Variants in PRXL2A observed in about 807,000 individuals in gnomAD.
The protein encoded by PRXL2A is peroxiredoxin like 2A.
PRXL2A carries 26 observed loss-of-function variants against 25.6 expected under a neutral mutation model. The observed-to-expected ratio is 1.02, with a 90% CI of 0.74 to 1.41. The LOEUF (loss-of-function observed/expected upper bound fraction) is 1.41, where lower values mean the gene tolerates loss of function less well. Ranked by LOEUF, PRXL2A falls within the 40% of genes most tolerant of loss-of-function variation. The pLI is 0.00. For missense variants in PRXL2A, 246 were observed against 273.9 expected (o/e 0.90, Z 0.72); for synonymous variants, 98 against 102.9 (o/e 0.95, Z 0.29).
chr10:80,429,864 T>C (rs1039852300), intron 5 of PRXL2A, among the ~76,000 whole-genome samples: 1 of 152,194 alleles, frequency 6.6e-6, no homozygotes, highest in African/African-American at 2.4e-5. Context: ...TTGGCATGCC[T>C]GCCAGCCTTT....
Position 80,409,072 on chromosome 10 carries a change from C to T in PRXL2A, c.-3+429C>T, listed in dbSNP as rs1224625805. The T allele has an allele frequency of 2.8e-5, 28 of 985,236 alleles. No individual in the cohort carries two copies. The South Asian group carries it at 1.1e-3, about 38-fold the overall frequency. The allele number at this position is 985,236 out of a possible 1,614,324, so 61.0% of individuals were successfully genotyped here. A position where few individuals can be genotyped will look rare whatever the true frequency, so the allele number is the denominator to read the frequency against. On this transcript the variant is annotated intron_variant, in intron 1 of 5. Coordinates refer to ENST00000606162, the MANE Select transcript of PRXL2A (RefSeq NM_032333.5). ...CGCCCTGCTGGACCAGCCCCAGGTG[C>T]GGACCTGGCAGTCCTCGTCCTCGTC...
intron 4 of PRXL2A, among the ~76,000 whole-genome samples, chr10:80,426,771 C>T (rs115162083): frequency 1.1e-3 from 165 of 152,292 alleles, no homozygotes; most frequent in African/African-American, 3.7e-3. Context: ...TTGAAAGCTA[C>T]GGATGTCACC....
intron 3 of PRXL2A, 66 bp from the exon 4 acceptor site, chr10:80,425,800 G>A (rs1300984808): frequency 5.6e-6 from 9 of 1,597,712 alleles, no homozygotes; most frequent in African/African-American, 1.3e-5. Context: ...GAGGGAACCT[G>A]ACACCCTATG....
chr10:80,409,021 C>A lies in PRXL2A; in HGVS notation c.-3+378C>A, dbSNP rs1589547943. 8.1e-6 allele frequency: 8 copies of A among 985,126 alleles called. No individual in the cohort carries two copies. In the South Asian group the frequency reaches 2.8e-4, roughly 35 times the overall value. 61.0% of individuals were successfully genotyped at this position (985,126 alleles called of 1,614,324 possible). A position where few individuals can be genotyped will look rare whatever the true frequency, so the allele number is the denominator to read the frequency against. On this transcript the variant is annotated intron_variant, in intron 1 of 5. Coordinates refer to ENST00000606162, the MANE Select transcript of PRXL2A (RefSeq NM_032333.5). ...GGGACAAAGAACAGAGGAGAGGGCC[C>A]TGCCCTGGAGCATGGGCCCGGGGGC...
intron 3 of PRXL2A, among the ~76,000 whole-genome samples, 153 bp downstream of exon 3, chr10:80,422,661 C>T (rs1844912220): frequency 7.1e-6 from 1 of 141,506 alleles, no homozygotes; most frequent in African/African-American, 2.8e-5. Flanking sequence ...TTGATTTGTG[C>T]TCTTTTTTTT....
rs1291010402 is a variant in PRXL2A at position 80,434,640 on chromosome 10, T to G, written c.*2541T>G. On this transcript the variant is annotated 3_prime_UTR_variant, in exon 6 of 6. Transcript: ENST00000606162. ...AAAGAGGGGAGGGAGGAGGTTCAAATAGAACTAGGGAAGTGCAAAATTACA... is the reference window on the plus strand; with the variant it reads ...AAAGAGGGGAGGGAGGAGGTTCAAAGAGAACTAGGGAAGTGCAAAATTACA... 6.6e-6 allele frequency: 1 copy of G among 152,104 alleles called. No individual in the cohort carries two copies. The highest frequency in any genetic ancestry group is 1.5e-5 in the Non-Finnish European group (1 of 68,026). The allele number at this position is 152,104 out of a possible 1,614,324, so 9.4% of individuals were successfully genotyped here.
At position 80,432,956 on chromosome 10, in the gene PRXL2A, AT is replaced by A. The variant is rs1366425345; in HGVS notation, c.*858del. On this transcript the variant is annotated 3_prime_UTR_variant, in exon 6 of 6. Coordinates refer to ENST00000606162, the MANE Select transcript of PRXL2A (RefSeq NM_032333.5). ...TCAGAGATCTGTTTCTCTAGAAAAA[AT>A]GTCCATCTCTGGCTTTAATAAAATT... The A allele has an allele frequency of 6.6e-6, 1 of 152,240 alleles. No individual in the cohort carries two copies. The allele number at this position is 152,240 out of a possible 1,614,324, so 9.4% of individuals were successfully genotyped here.
rs749222156 is a variant in PRXL2A at position 80,426,017 on chromosome 10, T to C, written c.411+11T>C. The stretch of plus-strand genomic sequence containing the variant: ...TTCCTGGATGAAAAGGTGTGTGTGA[T>C]GGGAGGCTTTTAGACACAGACTGCT... On this transcript the variant is annotated intron_variant, in intron 4 of 5. Coordinates refer to ENST00000606162, the MANE Select transcript of PRXL2A (RefSeq NM_032333.5). 19 of 1,614,102 alleles carry C rather than the reference T, an allele frequency of 1.2e-5. No homozygotes were observed. The highest frequency in any genetic ancestry group is 1.6e-5 in the Non-Finnish European group (19 of 1,180,008).
Position 80,431,973 on chromosome 10 carries a change from T to C in PRXL2A, c.577-13T>C. 6.3e-7 allele frequency: 1 copy of C among 1,578,932 alleles called. No individual in the cohort carries two copies. Among genetic ancestry groups the C allele is most frequent in the South Asian group, 1.1e-5 (1 of 90,260 alleles). ...TAGGATGAGGACTGACATTATCTCTTGTTTCCTTTTAGGGCATTCTTCTTG... is the reference window on the plus strand; with the variant it reads ...TAGGATGAGGACTGACATTATCTCTCGTTTCCTTTTAGGGCATTCTTCTTG... On this transcript the variant is annotated splice_polypyrimidine_tract_variant and intron_variant, in intron 5 of 5. Coordinates refer to ENST00000606162, the MANE Select transcript of PRXL2A (RefSeq NM_032333.5).
intron 1 of PRXL2A, chr10:80,409,178 C>G (rs1418668346): frequency 2.6e-5 from 16 of 621,924 alleles, no homozygotes; most frequent in African/African-American, 1.0e-4. Context: ...CCTGTTCCCC[C>G]TCTTTCCCAA....
intron 1 of PRXL2A, chr10:80,420,080 G>A (rs998623364): frequency 7.1e-6 from 7 of 987,720 alleles, no homozygotes; most frequent in Non-Finnish European, 8.4e-6. Flanking sequence ...GGAGAATCAG[G>A]CATTGATGAG....
chr10:80,417,762 T>G (rs1479098467), intron 1 of PRXL2A, among the ~76,000 whole-genome samples: 3 of 151,580 alleles, frequency 2.0e-5, no homozygotes, highest in South Asian at 2.1e-4. Flanking sequence ...TTTTTTGTTT[T>G]TTTTTTTTTA....
chr10:80,412,210 G>T (rs1397744360), intron 1 of PRXL2A, among the ~76,000 whole-genome samples: 1 of 152,158 alleles, frequency 6.6e-6, no homozygotes, highest in Non-Finnish European at 1.5e-5. Flanking sequence ...TAGATGATGA[G>T]ATCCAGGCCC....
In PRXL2A at chr10:80,425,928, A is replaced by G; in HGVS notation, c.333A>G (p.Ala111=). 1 of 1,614,222 alleles carries G rather than the reference A, an allele frequency of 6.2e-7. No individual in the cohort carries two copies. The highest frequency in any genetic ancestry group is 8.5e-7 in the Non-Finnish European group (1 of 1,180,032). Residue 111 remains alanine (A), a synonymous_variant, in exon 4 of 6, where the codon GCA becomes GCG. Coordinates refer to ENST00000606162, the MANE Select transcript of PRXL2A (RefSeq NM_032333.5). ...ACCAGCTGGGCGTCCCCCTCTATGC[A>G]GTGGTAAAGGAGCACATCAGGACTG... The part of the protein sequence containing the change: ...MLDQLGVPLY[A]VVKEHIRTEV...
chr10:80,428,297 G>A (rs1199956954), intron 5 of PRXL2A, among the ~76,000 whole-genome samples: 1 of 152,216 alleles, frequency 6.6e-6, no homozygotes, highest in Non-Finnish European at 1.5e-5. Context: ...CTTGAGCCAT[G>A]GTGGTTCCCC....
intron 1 of PRXL2A, among the ~76,000 whole-genome samples, chr10:80,419,312 C>G (rs183031419): frequency 1.2e-5 from 1 of 83,848 alleles, no homozygotes. Flanking sequence ...TTTTTTTTTT[C>G]TTTTTTTTTT....
intron 4 of PRXL2A, among the ~76,000 whole-genome samples, chr10:80,426,951 T>G (rs1394182346): frequency 1.3e-5 from 2 of 151,892 alleles, no homozygotes; most frequent in African/African-American, 4.8e-5. Flanking sequence ...CAAGACCAGC[T>G]TGGCCAACGT....
At chr10:80,428,957 A>AGT (rs925639612) in intron 5 of PRXL2A, among the ~76,000 whole-genome samples, 1 of 151,892 alleles carries the variant, frequency 6.6e-6, no homozygotes, top group African/African-American at 2.4e-5. Flanking sequence ...GCTGGAGTGC[A>AGT]GTGGTGCGAT....
intron 4 of PRXL2A, among the ~76,000 whole-genome samples, chr10:80,426,660 C>T (rs886734173): frequency 6.6e-6 from 1 of 152,194 alleles, no homozygotes. Flanking sequence ...CACCCTGTCC[C>T]TTAATTCATT....
Sources: gnomAD v4.1 joint callset for allele counts (sites outside exome capture counted in the v4.1 genomes callset) on GRCh38, gnomAD v4.1.1 for gene constraint, MANE v1.5 for transcripts, NCBI Gene and HGNC (gene_info 2026-07-23, HGNC 2026-07-21) for gene names.